The following CTSV variants were observed in gnomAD, a reference collection of about 807,000 sequenced individuals.
CTSV encodes the protein cathepsin V, also known as cathepsin L2.
CTSV carries 33 observed loss-of-function variants against 35.6 expected under a neutral mutation model. The observed-to-expected ratio is 0.93, with a 90% CI of 0.70 to 1.24. The LOEUF (loss-of-function observed/expected upper bound fraction) is 1.24. CTSV is among the 50% of genes most tolerant of loss of function. The pLI is 0.00. For missense variants in CTSV, 408 were observed against 413.1 expected (o/e 0.99, Z 0.11); for synonymous variants, 154 against 147.1 (o/e 1.05, Z -0.34).
chr9:97,032,770 CAAT>C lies in CTSV; in HGVS notation c.*176_*178del. On this transcript the variant is annotated 3_prime_UTR_variant, in exon 8 of 8. Transcript: ENST00000259470. ...TTTGATATCATAAAGCTGTGTATAACAATAATTAAAGTAGTGGTAACATTTTAC... is the reference window on the plus strand; with the variant it reads ...TTTGATATCATAAAGCTGTGTATAACAATTAAAGTAGTGGTAACATTTTAC... 4.2e-6 allele frequency: 2 copies of C among 477,212 alleles called. No homozygotes were observed. Among genetic ancestry groups the C allele is most frequent in the South Asian group, 9.7e-5 (2 of 20,722 alleles). 29.6% of individuals were successfully genotyped at this position (477,212 alleles called of 1,614,324 possible). A position where few individuals can be genotyped will look rare whatever the true frequency, so the allele number is the denominator to read the frequency against.
chr9:97,032,558 T>C lies in CTSV; in HGVS notation c.*391A>G, dbSNP rs1828771275. On this transcript the variant is annotated 3_prime_UTR_variant, in exon 8 of 8. Coordinates refer to ENST00000259470, the MANE Select transcript of CTSV (RefSeq NM_001333.4). ...GAAGCCAGCTTTCTGCTAGCATCTT[T>C]CTCCTAACATACCATTGGCACATGA... 2 of 158,848 alleles carry C rather than the reference T, an allele frequency of 1.3e-5. No homozygotes were observed. The highest frequency in any genetic ancestry group is 4.8e-5 in the African/African-American group (2 of 41,708). The allele number at this position is 158,848 out of a possible 1,614,324, so 9.8% of individuals were successfully genotyped here. A position where few individuals can be genotyped will look rare whatever the true frequency, so the allele number is the denominator to read the frequency against.
intron 1 of CTSV, 68 bp from the exon 2 acceptor site, chr9:97,038,121 G>T (rs1000921605): frequency 1.4e-6 from 2 of 1,466,620 alleles, no homozygotes; most frequent in South Asian, 1.2e-5. Flanking sequence ...AGCCCCCGTG[G>T]AATAGAAATA....
In CTSV at chr9:97,035,533, T is replaced by C; in HGVS notation, c.782A>G (p.Lys261Arg). Residue 261 changes from lysine (K) to arginine (R), a missense_variant, in exon 6 of 8, where the codon AAA (lysine) becomes AGA (arginine). Physicochemically the swap from Lys to Arg is conservative, Grantham distance 26 (BLOSUM62 2). Coordinates refer to ENST00000259470, the MANE Select transcript of CTSV (RefSeq NM_001333.4). ...DAGHSSFQFY[K>R]SGIYFEPDCS... ...TATAATAAAATGACACTTACCTGATTTGTAGAACTGGAAGGACGAATGGCC... is the reference window on the plus strand; with the variant it reads ...TATAATAAAATGACACTTACCTGATCTGTAGAACTGGAAGGACGAATGGCC... The C allele has an allele frequency of 6.5e-7, 1 of 1,528,386 alleles. No individual in the cohort carries two copies. The highest frequency in any genetic ancestry group is 1.3e-5 in the South Asian group (1 of 79,454). The allele number at this position is 1,528,386 out of a possible 1,614,324, so 94.7% of individuals were successfully genotyped here. A position where few individuals can be genotyped will look rare whatever the true frequency, so the allele number is the denominator to read the frequency against.
rs776198947 is a variant in CTSV at position 97,029,981 on chromosome 9, A to G, written c.*2968T>C. On this transcript the variant is annotated 3_prime_UTR_variant, in exon 8 of 8. Transcript: ENST00000259470. ...GCTGTACCATATAGCCTAGGTGTGT[A>G]ATAGGCTATACCATCTAGGTTTGTG... The G allele has an allele frequency of 1.3e-5, 2 of 152,258 alleles. No individual in the cohort carries two copies. The highest frequency in any genetic ancestry group is 2.9e-5 in the Non-Finnish European group (2 of 68,040). 9.4% of individuals were successfully genotyped at this position (152,258 alleles called of 1,614,324 possible). A position where few individuals can be genotyped will look rare whatever the true frequency, so the allele number is the denominator to read the frequency against.
chr9:97,035,713 A>G lies in CTSV; in HGVS notation c.622-20T>C. On this transcript the variant is annotated intron_variant, in intron 5 of 7. Coordinates refer to ENST00000259470, the MANE Select transcript of CTSV (RefSeq NM_001333.4). Reference sequence around the variant, plus strand: ...TTCATCCTTTTAAAGTTAAAGGGGGAGAGACTTGATCACTACCATCTACCT... The same window carrying G: ...TTCATCCTTTTAAAGTTAAAGGGGGGGAGACTTGATCACTACCATCTACCT... 1 of 1,436,406 alleles carries G rather than the reference A, an allele frequency of 7.0e-7. No individual in the cohort carries two copies. The highest frequency in any genetic ancestry group is 1.4e-5 in the African/African-American group (1 of 69,254). 89.0% of individuals were successfully genotyped at this position (1,436,406 alleles called of 1,614,324 possible).
chr9:97,033,212 C>A (rs2079801094), intron 7 of CTSV, among the ~76,000 whole-genome samples, 164 bp from the exon 8 acceptor site: 1 of 152,198 alleles, frequency 6.6e-6, no homozygotes, highest in South Asian at 2.1e-4. Flanking sequence ...CACAGTGGCT[C>A]ACGCCTGCAA....
In CTSV at chr9:97,033,006, G is replaced by A. The variant is rs780635985; in HGVS notation, c.948C>T (p.Ala316=). Residue 316 remains alanine, a synonymous_variant, in exon 8 of 8, where the codon GCC becomes GCT. Transcript: ENST00000259470. ...EWGSNGYVKI[A]KDKNNHCGIA... ...TTCCACAGTGGTTGTTCTTGTCTTT[G>A]GCTATTTTTACATAGCCATTCGAGC... 2 of 1,613,492 alleles carry A rather than the reference G, an allele frequency of 1.2e-6. No homozygotes were observed. Among genetic ancestry groups the A allele is most frequent in the South Asian group, 2.2e-5 (2 of 90,980 alleles).
chr9:97,033,725 G>A (rs564525693), intron 7 of CTSV, among the ~76,000 whole-genome samples: 1 of 152,240 alleles, frequency 6.6e-6, no homozygotes, highest in East Asian at 1.9e-4. Context: ...TTGAACCCGA[G>A]AGGTGGAGGC....
intron 1 of CTSV, chr9:97,038,312 G>A (rs924270283): frequency 2.6e-5 from 8 of 307,684 alleles, no homozygotes; most frequent in African/African-American, 1.5e-4. Context: ...CGGGTGAGAA[G>A]CTTAAGGCAA....
chr9:97,037,217 T>G (rs775486161), intron 4 of CTSV, 35 bp downstream of exon 4: 15 of 1,600,014 alleles, frequency 9.4e-6, no homozygotes, highest in Non-Finnish European at 1.3e-5. Flanking sequence ...TTGGCTTTCC[T>G]GTGGAGACAG....
rs200569996 is a variant in CTSV at position 97,036,695 on chromosome 9, T to C, written c.449A>G (p.Gln150Arg). The C allele has an allele frequency of 1.9e-6, 3 of 1,613,992 alleles. No homozygotes were observed. Among genetic ancestry groups the C allele is most frequent in the Non-Finnish European group, 2.5e-6 (3 of 1,180,000 alleles). Residue 150 changes from glutamine (Q) to arginine (R), a missense_variant, in exon 5 of 8, where the codon CAG becomes CGG. Gln to Arg is a conservative substitution (Grantham distance 43). Transcript: ENST00000259470. ...AAGTTTCCCAGTTTTCCGGAACATC[T>C]GTCCTTCAAGAGCACCAGTCGCACT... ...AFSATGALEG[Q>R]MFRKTGKLVS...
chr9:97,037,685 C>A, intron 2 of CTSV, 70 bp from the exon 3 acceptor site: 1 of 1,581,074 alleles, frequency 6.3e-7, no homozygotes, highest in Non-Finnish European at 8.6e-7. Flanking sequence ...AGCCGATTTG[C>A]GGGCAGAAAT....
At position 97,031,380 on chromosome 9, in the gene CTSV, TCA is replaced by T. The variant is rs1168148025; in HGVS notation, c.*1567_*1568del. 1 of 152,208 alleles carries T rather than the reference TCA, an allele frequency of 6.6e-6. No homozygotes were observed. Among genetic ancestry groups the T allele is most frequent in the African/African-American group, 2.4e-5 (1 of 41,446 alleles). 9.4% of individuals were successfully genotyped at this position (152,208 alleles called of 1,614,324 possible). A position where few individuals can be genotyped will look rare whatever the true frequency, so the allele number is the denominator to read the frequency against. On this transcript the variant is annotated 3_prime_UTR_variant, in exon 8 of 8. Coordinates refer to ENST00000259470, the MANE Select transcript of CTSV (RefSeq NM_001333.4). ...CAATGGATCACCTTTCGATTAAATT[TCA>T]CCAGCTCATCCCCGGTAATTTTTTA...
chr9:97,030,009 A>G lies in CTSV; in HGVS notation c.*2940T>C, dbSNP rs1244301698. ...AGGCTATACCATCTAGGTTTGTGTC[A>G]GTGTACTCTATGATGTTCACGTCAC... On this transcript the variant is annotated 3_prime_UTR_variant, in exon 8 of 8. Transcript: ENST00000259470. 6.6e-6 allele frequency: 1 copy of G among 152,258 alleles called. No individual in the cohort carries two copies. Among genetic ancestry groups the G allele is most frequent in the Non-Finnish European group, 1.5e-5 (1 of 68,036 alleles). 9.4% of individuals were successfully genotyped at this position (152,258 alleles called of 1,614,324 possible). A position where few individuals can be genotyped will look rare whatever the true frequency, so the allele number is the denominator to read the frequency against.
rs1485635098 is a variant in CTSV, at chr9:97,033,053, A to G, written c.906-5T>C. On this transcript the variant is annotated splice_region_variant and splice_polypyrimidine_tract_variant and intron_variant, in intron 7 of 7. Coordinates refer to ENST00000259470, the MANE Select transcript of CTSV (RefSeq NM_001333.4). ...GAGCCCCATTCTGGACCCCAGCTGA[A>G]AGAGGAGCAGGTTTTCCATTTTATA... The G allele has an allele frequency of 4.4e-6, 7 of 1,602,474 alleles. No individual in the cohort carries two copies. The South Asian group carries it at 7.9e-5, about 18-fold the overall frequency.
At chr9:97,037,897 A>G in intron 2 of CTSV, 21 bp downstream of exon 2, 1 of 1,612,394 alleles carries the variant, frequency 6.2e-7, no homozygotes, top group Non-Finnish European at 8.5e-7. Flanking sequence ...GTCCCTCTGG[A>G]CAGTTTCAGA....
Position 97,035,579 on chromosome 9 carries a change from T to C in CTSV, c.736A>G (p.Ile246Val), listed in dbSNP as rs1195061698. Residue 246 changes from isoleucine (I) to valine (V), a missense_variant, in exon 6 of 8, where the codon ATC becomes GTC. Coordinates refer to ENST00000259470, the MANE Select transcript of CTSV (RefSeq NM_001333.4). ...TGGCCTGCATCCATAGCAACGGAGA[T>C]GGGCCCCACAGTTGCGACTGCTTTC... ...LMKAVATVGP[I>V]SVAMDAGHSS... 18 of 1,597,918 alleles carry C rather than the reference T, an allele frequency of 1.1e-5. No individual in the cohort carries two copies. Among genetic ancestry groups the C allele is most frequent in the Non-Finnish European group, 1.5e-5 (18 of 1,170,602 alleles).
chr9:97,037,033 G>A (rs1828864198), intron 4 of CTSV, among the ~76,000 whole-genome samples: 1 of 152,106 alleles, frequency 6.6e-6, no homozygotes, highest in Non-Finnish European at 1.5e-5. Flanking sequence ...CTTGAACCCA[G>A]GAGGCAGAGG....
At position 97,032,209 on chromosome 9, in the gene CTSV, C is replaced by T. The variant is rs1458668065; in HGVS notation, c.*740G>A. The T allele has an allele frequency of 2.0e-5, 3 of 152,144 alleles. No individual in the cohort carries two copies. The highest frequency in any genetic ancestry group is 7.2e-5 in the African/African-American group (3 of 41,424). The allele number at this position is 152,144 out of a possible 1,614,324, so 9.4% of individuals were successfully genotyped here. On this transcript the variant is annotated 3_prime_UTR_variant, in exon 8 of 8. Coordinates refer to ENST00000259470, the MANE Select transcript of CTSV (RefSeq NM_001333.4). ...GGATCACGAGGTCGAGAGTTCAAGA[C>T]CAGCCTGGCCAAGATGGTGAAACCC...
Sources: allele counts gnomAD v4.1 joint callset (sites outside exome capture counted in the v4.1 genomes callset), GRCh38; gene constraint gnomAD v4.1.1; transcripts MANE v1.5; gene names NCBI Gene and HGNC (gene_info 2026-07-23, HGNC 2026-07-21).